Variants in WDR11 observed in about 807,000 individuals in gnomAD.
The protein encoded by WDR11 is WD repeat domain 11, also known as WD repeat-containing protein 11.
Under a neutral mutation model 151.2 loss-of-function variants are expected in WDR11, and 83 were observed. The observed-to-expected ratio is 0.55, with a 90% CI of 0.46 to 0.66. The LOEUF (loss-of-function observed/expected upper bound fraction) is 0.66. Among genes scored for constraint, WDR11 ranks in the 30% least tolerant of loss-of-function variants. The pLI, the probability that WDR11 is intolerant of heterozygous loss-of-function variation, is 0.00. For missense variants in WDR11, 1,301 were observed against 1,480.9 expected (o/e 0.88, Z 1.99); for synonymous variants, 484 against 533.1 (o/e 0.91, Z 1.27).
In WDR11 at chr10:120,878,323, G is replaced by A. The variant is rs1432339095; in HGVS notation, c.1557-30G>A. 3.3e-6 allele frequency: 5 copies of A among 1,518,622 alleles called. No homozygotes were observed. The African/African-American group carries it at 4.1e-5, about 12-fold the overall frequency. The allele number at this position is 1,518,622 out of a possible 1,614,324, so 94.1% of individuals were successfully genotyped here. On this transcript the variant is annotated intron_variant, in intron 11 of 28. Coordinates refer to ENST00000263461, the MANE Select transcript of WDR11 (RefSeq NM_018117.12). ...ACCTTTCAAATAAAAAAGAGAATTA[G>A]TTTAACCTTTATCTCATTTCCTATT... is the stretch of plus-strand genomic sequence containing the variant.
intron 13 of WDR11, among the ~76,000 whole-genome samples, chr10:120,882,100 T>G (rs973829411): frequency 6.6e-6 from 1 of 152,252 alleles, no homozygotes; most frequent in South Asian, 2.1e-4. Context: ...TTCATTGATA[T>G]CATCATATGG....
chr10:120,883,919 A>AT, intron 14 of WDR11, 31 bp downstream of exon 14: 1 of 1,535,352 alleles, frequency 6.5e-7, no homozygotes, highest in Admixed American at 1.7e-5. Context: ...TTAATAGCTT[A>AT]TTTAGGTATA....
chr10:120,868,727 G>A (rs1260397241), intron 9 of WDR11: 2 of 152,146 alleles, frequency 1.3e-5, no homozygotes, highest in Non-Finnish European at 2.9e-5. Flanking sequence ...CCTTAGCAAT[G>A]GCCTCCAGTC....
At chr10:120,863,942 A>G (rs987206056) in intron 5 of WDR11, among the ~76,000 whole-genome samples, 7 of 152,300 alleles carry the variant, frequency 4.6e-5, no homozygotes, top group East Asian at 1.9e-4. Context: ...TCTATTTTTT[A>G]TGTATTCCCT....
chr10:120,885,667 G>A, intron 14 of WDR11, 147 bp from the exon 15 acceptor site: 2 of 1,036,006 alleles, frequency 1.9e-6, no homozygotes, highest in Non-Finnish European at 2.9e-6. Context: ...CTTTCTCTAA[G>A]TAGGTAAAAT....
At chr10:120,869,536 A>T (rs116001990) in intron 9 of WDR11, among the ~76,000 whole-genome samples, 293 of 151,198 alleles carry the variant, frequency 1.9e-3, no homozygotes, top group African/African-American at 6.5e-3. Flanking sequence ...CTTTTAATTA[A>T]ACTTTTAATT....
At position 120,885,947 on chromosome 10, in the gene WDR11, C is replaced by T; in HGVS notation, c.1973+9C>T. ...GAATCATCTGTGATCAGGTACAGTA[C>T]AGTGTTTCTTGACACTGTCATTTGT... On this transcript the variant is annotated intron_variant, in intron 15 of 28. Transcript: ENST00000263461. The T allele has an allele frequency of 6.2e-7, 1 of 1,612,980 alleles. No individual in the cohort carries two copies. Among genetic ancestry groups the T allele is most frequent in the South Asian group, 1.1e-5 (1 of 91,042 alleles).
intron 12 of WDR11, 81 bp downstream of exon 12, chr10:120,878,540 T>C: frequency 8.5e-7 from 1 of 1,183,286 alleles, no homozygotes; most frequent in Non-Finnish European, 1.2e-6. Context: ...AAAGTACTTC[T>C]TTCACCTTGG....
chr10:120,865,295 G>T, intron 6 of WDR11, 83 bp downstream of exon 6: 1 of 1,367,232 alleles, frequency 7.3e-7, no homozygotes, highest in Non-Finnish European at 1.0e-6. Context: ...CATAAGTCTT[G>T]TCTTCAGTTC....
chr10:120,880,774 TCATA>T, intron 12 of WDR11, 48 bp from the exon 13 acceptor site: 1 of 1,495,728 alleles, frequency 6.7e-7, no homozygotes, highest in South Asian at 1.2e-5. Context: ...TTCTTGTTTT[TCATA>T]CATGTTTTAT....
intron 23 of WDR11, 26 bp from the exon 24 acceptor site, chr10:120,904,021 A>G (rs369408022): frequency 7.5e-6 from 11 of 1,473,384 alleles, no homozygotes; most frequent in South Asian, 4.5e-5. Context: ...ATCCAGGCTT[A>G]ATTTTTCTTT....
intron 1 of WDR11, chr10:120,851,741 C>G (rs1173667398): frequency 1.7e-6 from 1 of 600,210 alleles, no homozygotes; most frequent in Non-Finnish European, 3.0e-6. Context: ...GCGTATTTCT[C>G]TGCTGTTTTC....
chr10:120,895,000 A>ATGCTGTCAAC (rs1847556775), intron 19 of WDR11, among the ~76,000 whole-genome samples: 1 of 152,174 alleles, frequency 6.6e-6, no homozygotes, highest in Non-Finnish European at 1.5e-5. Flanking sequence ...GCTTTTGGAG[A>ATGCTGTCAAC]AATAACATAT....
At chr10:120,862,237 TC>T (rs1189749260) in intron 4 of WDR11, among the ~76,000 whole-genome samples, 1 of 152,056 alleles carries the variant, frequency 6.6e-6, no homozygotes, top group African/African-American at 2.4e-5. Flanking sequence ...ACCTCCCAGT[TC>T]AAGCGATTCT....
At chr10:120,852,300 T>C (rs936975842) in intron 1 of WDR11, 21 of 506,162 alleles carry the variant, frequency 4.1e-5, no homozygotes, top group Non-Finnish European at 7.1e-5. Flanking sequence ...TTCATATCTT[T>C]TAGAACTTTT....
Position 120,885,826 on chromosome 10 carries a change from T to G in WDR11, c.1861T>G (p.Ser621Ala), listed in dbSNP as rs1276323777. The change falls in exon 15 of 29, where the codon TCT becomes GCT. Residue 621 changes from serine to alanine, a missense_variant. By Grantham distance (99) the Ser-to-Ala change is moderately conservative. Coordinates refer to ENST00000263461, the MANE Select transcript of WDR11 (RefSeq NM_018117.12). The part of the protein sequence containing the change: ...PTITALEWSP[S>A]HNLKSLRKKQ... ...ATTTGCTTTACAGGAGTGGTCACCA[T>G]CTCACAACTTGAAGAGCCTGAGAAA... 8 of 1,613,620 alleles carry G rather than the reference T, an allele frequency of 5.0e-6. No homozygotes were observed. Among genetic ancestry groups the G allele is most frequent in the Non-Finnish European group, 6.8e-6 (8 of 1,179,754 alleles).
At chr10:120,863,917 A>G (rs1267699066) in intron 5 of WDR11, among the ~76,000 whole-genome samples, 1 of 152,200 alleles carries the variant, frequency 6.6e-6, no homozygotes, top group Non-Finnish European at 1.5e-5. Context: ...CTTCTTAAGT[A>G]TCTTAAGAGA....
chr10:120,862,619 T>C, intron 4 of WDR11, 116 bp from the exon 5 acceptor site: 2 of 1,071,056 alleles, frequency 1.9e-6, no homozygotes, highest in Non-Finnish European at 2.9e-6. Context: ...ATGCATAACA[T>C]TGCCAGTTAT....
At chr10:120,851,745 T>C (rs1415855173) in intron 1 of WDR11, 1 of 597,138 alleles carries the variant, frequency 1.7e-6, no homozygotes, top group African/African-American at 1.9e-5. Context: ...ATTTCTCTGC[T>C]GTTTTCTCTG....
Sources: allele counts gnomAD v4.1 joint callset (sites outside exome capture counted in the v4.1 genomes callset), GRCh38; gene constraint gnomAD v4.1.1; transcripts MANE v1.5; gene names NCBI Gene and HGNC (gene_info 2026-07-23, HGNC 2026-07-21).